SVEP1: variants seen among roughly 807,000 people sequenced by gnomAD.
The protein encoded by SVEP1 is sushi, von Willebrand factor type A, EGF and pentraxin domain-containing protein 1.
Under a neutral mutation model 367.3 loss-of-function variants are expected in SVEP1, and 164 were observed. The ratio of observed to expected loss-of-function variants is 0.45; its 90% CI spans 0.39 to 0.51. The LOEUF is 0.51. SVEP1 is among the 20% of genes least tolerant of loss of function. The pLI, the probability that SVEP1 is intolerant of heterozygous loss-of-function variation, is 0.00. For missense variants in SVEP1, 4,117 were observed against 4,425.3 expected (o/e 0.93, Z 1.98); for synonymous variants, 1,666 against 1,611.6 (o/e 1.03, Z -0.81).
chr9:110,530,050 G>A (rs541443234), intron 3 of SVEP1, among the ~76,000 whole-genome samples: 7 of 152,150 alleles, frequency 4.6e-5, no homozygotes, highest in Non-Finnish European at 1.0e-4. Context: ...GTTTGCTGAG[G>A]GTTATTATTA....
chr9:110,493,076 T>C (rs1158364008), intron 8 of SVEP1, among the ~76,000 whole-genome samples: 2 of 151,930 alleles, frequency 1.3e-5, no homozygotes, highest in Admixed American at 6.6e-5. Context: ...ATGGTAGTAC[T>C]TGAGTTGTTC....
chr9:110,558,527 A>AC (rs1830383352), intron 1 of SVEP1, among the ~76,000 whole-genome samples: 1 of 150,896 alleles, frequency 6.6e-6, no homozygotes, highest in African/African-American at 2.4e-5. Context: ...AAAAAAAAAA[A>AC]AAAAAGCATA....
At chr9:110,546,799 T>C (rs1282804553) in intron 2 of SVEP1, among the ~76,000 whole-genome samples, 1 of 152,154 alleles carries the variant, frequency 6.6e-6, no homozygotes, top group Admixed American at 6.5e-5. Flanking sequence ...TTTGAGTAGG[T>C]AAATAAAGAC....
intron 22 of SVEP1, among the ~76,000 whole-genome samples, chr9:110,452,052 T>C (rs1217930328): frequency 6.6e-6 from 1 of 152,164 alleles, no homozygotes; most frequent in Non-Finnish European, 1.5e-5. Flanking sequence ...GGTTGAAGAG[T>C]TCAAGGATGC....
chr9:110,579,184 C>T lies in SVEP1; in HGVS notation c.360G>A (p.Thr120=). 1.3e-6 allele frequency: 2 copies of T among 1,568,076 alleles called. No individual in the cohort carries two copies. Among genetic ancestry groups the T allele is most frequent in the East Asian group, 2.4e-5 (1 of 42,040 alleles). The stretch of plus-strand genomic sequence containing the variant: ...ACGAGAAGGTCACGATGGCCACGCG[C>T]GTGGCCGTGGGCACCACGGGGAAGT... ...LSDFPVVPTA[T]RVAIVTFSSK... The change falls in exon 1 of 48, where the codon ACG becomes ACA. Residue 120 remains threonine (T), a synonymous_variant. Transcript: ENST00000374469. The surrounding 1 kb of genome is among the most constrained non-coding windows in gnomAD (Gnocchi z 5.3).
chr9:110,555,617 A>AT (rs1207021508), intron 1 of SVEP1, among the ~76,000 whole-genome samples: 1 of 152,136 alleles, frequency 6.6e-6, no homozygotes, highest in African/African-American at 2.4e-5. Flanking sequence ...CCATGATTCT[A>AT]TTTTTCTTCT....
At chr9:110,551,874 C>T (rs534884042) in intron 1 of SVEP1, among the ~76,000 whole-genome samples, 9 of 152,210 alleles carry the variant, frequency 5.9e-5, no homozygotes, top group Non-Finnish European at 1.2e-4. Context: ...ACACCCCTAA[C>T]TCTGTCACAG....
At chr9:110,552,024 C>CTTTTTT (rs34366561) in intron 1 of SVEP1, among the ~76,000 whole-genome samples, 41 of 77,038 alleles carry the variant, frequency 5.3e-4, no homozygotes, top group South Asian at 1.2e-3. Context: ...GGTACCCAAC[C>CTTTTTT]TTTTTTTTTT....
At chr9:110,374,614 C>T (rs1295732680) in intron 46 of SVEP1, among the ~76,000 whole-genome samples, 1 of 152,142 alleles carries the variant, frequency 6.6e-6, no homozygotes, top group African/African-American at 2.4e-5. Context: ...TGCGCCACTG[C>T]AGTCCAGCCT....
chr9:110,477,059 T>C (rs1829107488), intron 13 of SVEP1, among the ~76,000 whole-genome samples: 1 of 152,208 alleles, frequency 6.6e-6, no homozygotes, highest in Admixed American at 6.5e-5. Context: ...TATAGTCACC[T>C]AGCAAACTCT....
chr9:110,414,664 T>C (rs1424485077), intron 36 of SVEP1, among the ~76,000 whole-genome samples: 1 of 152,006 alleles, frequency 6.6e-6, no homozygotes, highest in African/African-American at 2.4e-5. Flanking sequence ...TTGCAATGAT[T>C]TGATTGACAC....
At position 110,400,988 on chromosome 9, in the gene SVEP1, G is replaced by T. The variant is rs16914992; in HGVS notation, c.9688C>A (p.Pro3230Thr). The T allele has an allele frequency of 3.6e-3, 5,766 of 1,613,778 alleles. 160 individuals are homozygous for T. The African/African-American group carries it at 0.065, about 18-fold the overall frequency. ...GGACTGCAAGATTCATCGGAGAATG[G>T]TGGCTCCCAGGTTCCATCAAGCTAA... ...VCQLDGTWEP[P>T]FSDESCSPVS... Residue 3230 changes from proline to threonine, a missense_variant, in exon 40 of 48, where the codon CCA becomes ACA. Physicochemically the swap from Pro to Thr is conservative, Grantham distance 38. Transcript: ENST00000374469.
chr9:110,386,424 G>C (rs1394017212), intron 42 of SVEP1, among the ~76,000 whole-genome samples: 1 of 151,866 alleles, frequency 6.6e-6, no homozygotes, highest in East Asian at 1.9e-4. Context: ...GAAATCAAGG[G>C]GTATATCAAA....
At chr9:110,389,234 C>CA (rs1827584339) in intron 41 of SVEP1, among the ~76,000 whole-genome samples, 2 of 151,958 alleles carry the variant, frequency 1.3e-5, no homozygotes, top group African/African-American at 2.4e-5. Flanking sequence ...GAAAACCCCC[C>CA]CAAAATGCTA....
In SVEP1 at chr9:110,407,916, T is replaced by G. The variant is rs1403477577; in HGVS notation, c.7684A>C (p.Ile2562Leu). ...NAIHCDSPQPIENGFVEGADY... is the reference protein window; with the variant it reads ...NAIHCDSPQPLENGFVEGADY... ...GCACCTTCTACAAAACCATTTTCAA[T>G]GGGTTGTGGGGAATCACAGTGGATG... Residue 2562 changes from isoleucine (I) to leucine (L), a missense_variant, in exon 38 of 48, where the codon ATT becomes CTT. Ile to Leu is a conservative substitution (Grantham distance 5). Transcript: ENST00000374469. The G allele has an allele frequency of 1.2e-6, 2 of 1,613,896 alleles. No homozygotes were observed. Among genetic ancestry groups the G allele is most frequent in the East Asian group, 4.5e-5 (2 of 44,872 alleles).
In SVEP1 at chr9:110,546,097, C is replaced by T. The variant is rs752701414; in HGVS notation, c.964+18G>A. On this transcript the variant is annotated intron_variant, in intron 3 of 47. Coordinates refer to ENST00000374469, the MANE Select transcript of SVEP1 (RefSeq NM_153366.4). ...TACACAGCAACAGACAACTGATATACACAGATTGGAGACTCACCTGTGCAT... is the reference window on the plus strand; with the variant it reads ...TACACAGCAACAGACAACTGATATATACAGATTGGAGACTCACCTGTGCAT... The T allele has an allele frequency of 3.9e-6, 6 of 1,551,658 alleles. No homozygotes were observed. In the East Asian group the frequency reaches 1.2e-4, roughly 32 times the overall value.
intron 9 of SVEP1, among the ~76,000 whole-genome samples, chr9:110,484,327 A>G (rs903063778): frequency 5.9e-5 from 9 of 152,066 alleles, no homozygotes; most frequent in Non-Finnish European, 1.0e-4. Context: ...GAAAGGAGAG[A>G]GAGTATGAAA....
Position 110,430,434 on chromosome 9 carries a change from C to A in SVEP1, c.5370G>T (p.Lys1790Asn). The change falls in exon 33 of 48, where the codon AAG becomes AAT. Residue 1790 changes from lysine (K) to asparagine (N), a missense_variant. Physicochemically the swap from Lys to Asn is moderately conservative, Grantham distance 94. Transcript: ENST00000374469. ...GGCCATTTTCCGGATTTCCTGGAGC[C>A]TTACATTTTATAGGTTCTAGAAACA... ...GKNCAEPIKC[K>N]APGNPENGHS... is the part of the protein sequence containing the mutation. The A allele has an allele frequency of 1.2e-6, 2 of 1,611,300 alleles. No homozygotes were observed. The highest frequency in any genetic ancestry group is 1.7e-6 in the Non-Finnish European group (2 of 1,178,730).
In SVEP1 at chr9:110,483,646, G is replaced by T; in HGVS notation, c.1978C>A (p.Gln660Lys). Residue 660 changes from glutamine to lysine, a missense_variant, in exon 10 of 48, where the codon CAG becomes AAG. Gln to Lys is a moderately conservative substitution (Grantham distance 53). Around this residue, in one of 4 missense-constraint regions of SVEP1, gnomAD observed 2,174 missense variants for 2,494.3 expected, o/e 0.87. Coordinates refer to ENST00000374469, the MANE Select transcript of SVEP1 (RefSeq NM_153366.4). ...IDWCRSPPPV[Q>K]VSEKVHAASW... ...GCGGCATGTACCTTCTCCGAGACCTGGACGGGAGGTGGAGATCTGCACCAG... is the reference window on the plus strand; with the variant it reads ...GCGGCATGTACCTTCTCCGAGACCTTGACGGGAGGTGGAGATCTGCACCAG... 6.2e-7 allele frequency: 1 copy of T among 1,611,688 alleles called. No individual in the cohort carries two copies. The highest frequency in any genetic ancestry group is 8.5e-7 in the Non-Finnish European group (1 of 1,178,778).
Sources: gnomAD v4.1 joint callset for allele counts (sites outside exome capture counted in the v4.1 genomes callset) on GRCh38, gnomAD v4.1.1 for gene constraint, gnomAD v4.1.1 regional missense constraint, Gnocchi (gnomAD v3.1) non-coding constraint, MANE v1.5 for transcripts, NCBI Gene and HGNC (gene_info 2026-07-23, HGNC 2026-07-21) for gene names.